TRPM4: variants seen among roughly 807,000 people sequenced by gnomAD.
TRPM4 encodes transient receptor potential cation channel subfamily M member 4.
TRPM4 carries 124 observed loss-of-function variants against 135.6 expected under a neutral mutation model. The observed-to-expected ratio is 0.91, with a 90% CI of 0.79 to 1.06. The LOEUF (loss-of-function observed/expected upper bound fraction) is 1.06, where lower values mean the gene tolerates loss of function less well. Among genes scored for constraint, TRPM4 ranks in the 50% least tolerant of loss-of-function variants. The pLI is 0.00. For synonymous variants in TRPM4, 745 were observed against 705.6 expected, an observed-to-expected ratio of 1.06 and a Z score of -0.88; for missense variants, 1,658 against 1,671.4, an observed-to-expected ratio of 0.99 and a Z score of 0.14.
rs762071563 is a variant in TRPM4, at chr19:49,210,247, A to G, written c.3170A>G (p.Tyr1057Cys). The part of the protein sequence containing the change: ...FGKVQGNSDL[Y>C]WKAQRYRLIR... Reference sequence around the variant, plus strand: ...AAAGTACAGGGCAACAGCGATCTCTACTGGAAGGCGCAGCGTTACCGCCTC... The same window carrying G: ...AAAGTACAGGGCAACAGCGATCTCTGCTGGAAGGCGCAGCGTTACCGCCTC... Residue 1057 changes from tyrosine (Y) to cysteine (C), a missense_variant, in exon 21 of 25, where the codon TAC (tyrosine) becomes TGC (cysteine). By Grantham distance (194) the Tyr-to-Cys change is radical. Transcript: ENST00000252826. This position sits in a 1 kb window ranked among gnomAD's most constrained non-coding sequence, Gnocchi z 4.1. 6.2e-7 allele frequency: 1 copy of G among 1,614,186 alleles called. No homozygotes were observed. The highest frequency in any genetic ancestry group is 8.5e-7 in the Non-Finnish European group (1 of 1,180,028).
intron 6 of TRPM4, among the ~76,000 whole-genome samples, chr19:49,169,886 A>G (rs886860814): frequency 1.3e-5 from 2 of 152,142 alleles, no homozygotes; most frequent in Non-Finnish European, 2.9e-5. Context: ...TTATCAAAAC[A>G]TGAACAAGAT....
intron 2 of TRPM4, among the ~76,000 whole-genome samples, chr19:49,162,672 G>A (rs188021064): frequency 5.1e-4 from 78 of 152,244 alleles, no homozygotes; most frequent in African/African-American, 1.6e-3. Flanking sequence ...AATTTTCCAC[G>A]ATTTTGGAAA....
intron 2 of TRPM4, among the ~76,000 whole-genome samples, chr19:49,165,795 C>T (rs2122777754): frequency 6.6e-6 from 1 of 152,278 alleles, no homozygotes; most frequent in African/African-American, 2.4e-5. Context: ...GTGACAGTGA[C>T]CTGCTTCTTC....
intron 9 of TRPM4, among the ~76,000 whole-genome samples, chr19:49,176,017 A>G (rs1006953830): frequency 1.4e-5 from 2 of 146,468 alleles, no homozygotes; most frequent in Non-Finnish European, 3.0e-5. Flanking sequence ...TCCTCCTCCC[A>G]GGTTTAAGCG....
At chr19:49,200,147 T>C (rs1327829357) in intron 17 of TRPM4, among the ~76,000 whole-genome samples, 153 bp from the exon 18 acceptor site, 1 of 152,158 alleles carries the variant, frequency 6.6e-6, no homozygotes, top group Admixed American at 6.5e-5. Context: ...AGCTTGGTAC[T>C]GAATAAATTT....
chr19:49,202,785 C>T (rs891880109), intron 20 of TRPM4, among the ~76,000 whole-genome samples: 1 of 152,136 alleles, frequency 6.6e-6, no homozygotes, highest in South Asian at 2.1e-4. Flanking sequence ...CCACCTCAGC[C>T]TCCCAAAGTG....
At chr19:49,181,031 G>T (rs965304333) in intron 9 of TRPM4, among the ~76,000 whole-genome samples, 9 of 152,002 alleles carry the variant, frequency 5.9e-5, no homozygotes, top group Non-Finnish European at 1.0e-4. Context: ...CTTCTTCAGG[G>T]TAGGAACTGT....
chr19:49,160,791 G>A (rs945693319), intron 2 of TRPM4, among the ~76,000 whole-genome samples: 1 of 152,096 alleles, frequency 6.6e-6, no homozygotes. Flanking sequence ...GGAGGAGGCT[G>A]TAGAGAGCGT....
At chr19:49,185,767 G>A (rs760530821) in intron 12 of TRPM4, among the ~76,000 whole-genome samples, 2 of 151,398 alleles carry the variant, frequency 1.3e-5, no homozygotes, top group African/African-American at 4.9e-5. Flanking sequence ...TTGGGGGGAG[G>A]GGGGATGGAG....
Position 49,200,780 on chromosome 19 carries a change from T to C in TRPM4, c.2948T>C (p.Met983Thr), listed in dbSNP as rs1199751207. 6.2e-7 allele frequency: 1 copy of C among 1,613,932 alleles called. No homozygotes were observed. Among genetic ancestry groups the C allele is most frequent in the South Asian group, 1.1e-5 (1 of 91,070 alleles). ...QIFGQIPQED[M>T]DVALMEHSNC... is the part of the protein sequence containing the mutation. The stretch of plus-strand genomic sequence containing the variant: ...TTCGGGCAGATTCCCCAGGAGGACA[T>C]GGACGGTAGGGGGGATGACGGCCTG... Residue 983 changes from methionine (M) to threonine (T), a missense_variant, in exon 19 of 25, where the codon ATG (methionine) becomes ACG (threonine). Transcript: ENST00000252826.
At chr19:49,162,135 A>G (rs936065634) in intron 2 of TRPM4, among the ~76,000 whole-genome samples, 1 of 152,232 alleles carries the variant, frequency 6.6e-6, no homozygotes, top group African/African-American at 2.4e-5. Flanking sequence ...GAGGGTTTCC[A>G]GAATGAGAGC....
At position 49,160,472 on chromosome 19, in the gene TRPM4, A is replaced by G. The variant is rs368612770; in HGVS notation, c.92+2213A>G. Among the ~76,000 whole-genome samples the G allele has an allele frequency of 2.3e-3, 351 of 149,720 alleles. 3 individuals carry two copies. The highest frequency in any genetic ancestry group is 8.3e-3 in the African/African-American group (332 of 40,122). On this transcript the variant is annotated intron_variant, in intron 2 of 24. Coordinates refer to ENST00000252826, the MANE Select transcript of TRPM4 (RefSeq NM_017636.4). ...GCACTCCAGCCTGGGTGACAGAGCAAGACTCCATCTCAAAAAAAAAAAAAA... is the reference window on the plus strand; with the variant it reads ...GCACTCCAGCCTGGGTGACAGAGCAGGACTCCATCTCAAAAAAAAAAAAAA...
At chr19:49,206,500 C>T (rs1448111370) in intron 20 of TRPM4, among the ~76,000 whole-genome samples, 3 of 149,644 alleles carry the variant, frequency 2.0e-5, no homozygotes, top group Non-Finnish European at 3.0e-5. Context: ...AGTGCAATGG[C>T]GCGATCTCAG....
At chr19:49,188,337 A>G (rs190832630) in intron 12 of TRPM4, among the ~76,000 whole-genome samples, 1 of 152,110 alleles carries the variant, frequency 6.6e-6, no homozygotes, top group Non-Finnish European at 1.5e-5. Context: ...ACGTGCTGGG[A>G]TTATAGTCGT....
At chr19:49,158,596 ATTC>A in intron 2 of TRPM4, 1 of 278,428 alleles carries the variant, frequency 3.6e-6, no homozygotes, top group Admixed American at 4.9e-5. Context: ...TCATTCATTC[ATTC>A]ATTCATTCAT....
At position 49,202,067 on chromosome 19, in the gene TRPM4, G is replaced by T; in HGVS notation, c.3057G>T (p.Leu1019=). The change falls in exon 20 of 25, where the codon CTG becomes CTT. Residue 1019 remains leucine, a synonymous_variant. Coordinates refer to ENST00000252826, the MANE Select transcript of TRPM4 (RefSeq NM_017636.4). ...GTCVSQYANW[L]VVLLLVIFLL... is the part of the protein sequence containing the mutation. ...GCGTCTCCCAGTATGCCAACTGGCT[G>T]GTGGTGCTGCTCCTCGTCATCTTCC... 1 of 1,614,104 alleles carries T rather than the reference G, an allele frequency of 6.2e-7. No homozygotes were observed. Among genetic ancestry groups the T allele is most frequent in the Non-Finnish European group, 8.5e-7 (1 of 1,180,052 alleles).
chr19:49,188,564 T>C, intron 12 of TRPM4, 77 bp from the exon 13 acceptor site: 1 of 1,606,516 alleles, frequency 6.2e-7, no homozygotes, highest in Non-Finnish European at 8.5e-7. Context: ...TCTGACTCTG[T>C]TCCTTCCCTT....
chr19:49,202,984 G>A (rs1006861356), intron 20 of TRPM4, among the ~76,000 whole-genome samples: 12 of 144,826 alleles, frequency 8.3e-5, no homozygotes, highest in East Asian at 6.1e-4. Context: ...TCCGCCACCC[G>A]GGTTCACGCC....
intron 9 of TRPM4, among the ~76,000 whole-genome samples, chr19:49,178,760 A>T (rs940900090): frequency 7.2e-5 from 9 of 125,668 alleles, no homozygotes; most frequent in Admixed American, 3.0e-4. Context: ...TATTATTTTT[A>T]TTTTTTTATT....
Sources: gnomAD v4.1 joint callset for allele counts (sites outside exome capture counted in the v4.1 genomes callset) on GRCh38, gnomAD v4.1.1 for gene constraint, Gnocchi (gnomAD v3.1) non-coding constraint, MANE v1.5 for transcripts, NCBI Gene and HGNC (gene_info 2026-07-23, HGNC 2026-07-21) for gene names.